Variants in ZNF273 observed in about 807,000 individuals in gnomAD.
ZNF273 encodes the protein zinc finger protein 9.
ZNF273 carries 11 observed loss-of-function variants against 14.9 expected under a neutral mutation model. That is an observed-to-expected ratio of 0.74 (90% CI 0.46 to 1.22). ZNF273 has a LOEUF of 1.22. Among genes scored for constraint, ZNF273 ranks in the 50% most tolerant of loss-of-function variants. The pLI is 0.00. For synonymous variants in ZNF273, 199 were observed against 223.9 expected, an observed-to-expected ratio of 0.89 and a Z score of 0.99; for missense variants, 577 against 660.6, an observed-to-expected ratio of 0.87 and a Z score of 1.39.
downstream of ZNF273, chr7:64,889,004 G>A (rs1791788522): frequency 3.0e-6 from 3 of 985,796 alleles, no homozygotes; most frequent in South Asian, 1.4e-4. The surrounding 1 kb of genome is among the most constrained non-coding windows in gnomAD (Gnocchi z 4.2). Context: ...AAGGGGCCAA[G>A]CAGAACCGCC....
chr7:64,905,776 C>G (rs1241092943), intron 1 of ZNF273, among the ~76,000 whole-genome samples: 1 of 152,084 alleles, frequency 6.6e-6, no homozygotes, highest in Non-Finnish European at 1.5e-5. Flanking sequence ...TGACTTGACA[C>G]GAGTCAAACA....
At chr7:64,889,204 A>G, downstream of ZNF273, 1 of 985,818 alleles carries the variant, frequency 1.0e-6, no homozygotes, top group Non-Finnish European at 1.2e-6. The surrounding 1 kb of genome is among the most constrained non-coding windows in gnomAD (Gnocchi z 4.2). Context: ...TCATGGGGTC[A>G]CCGGCTTGTG....
chr7:64,903,344 T>G lies in ZNF273; in HGVS notation c.27T>G (p.Pro9=). 6.2e-7 allele frequency: 1 copy of G among 1,613,258 alleles called. No individual in the cohort carries two copies. Among genetic ancestry groups the G allele is most frequent in the South Asian group, 1.1e-5 (1 of 91,070 alleles). The change falls in exon 1 of 4, where the codon CCT becomes CCG. Residue 9 remains proline (P), a synonymous_variant. Coordinates refer to ENST00000476120, the MANE Select transcript of ZNF273 (RefSeq NM_021148.3). MSSAPRGP[P]SVAPLPAGIG... ...TGTCCTCTGCTCCTAGAGGTCCACCTTCTGTGGCCCCGTTACCTGCAGGTA... is the reference window on the plus strand; with the variant it reads ...TGTCCTCTGCTCCTAGAGGTCCACCGTCTGTGGCCCCGTTACCTGCAGGTA...
At chr7:64,887,886 T>G (rs1225347307) in intron 1 of ZNF273, among the ~76,000 whole-genome samples, 2 of 147,052 alleles carry the variant, frequency 1.4e-5, no homozygotes, top group African/African-American at 5.1e-5. Flanking sequence ...TTCAGAGGGG[T>G]GGTCGGGTGG....
chr7:64,907,762 C>G (rs1192426998), intron 1 of ZNF273, among the ~76,000 whole-genome samples: 1 of 152,190 alleles, frequency 6.6e-6, no homozygotes, highest in Non-Finnish European at 1.5e-5. Context: ...CTCTGGGTGT[C>G]TGGGAATGGG....
intron 3 of ZNF273, among the ~76,000 whole-genome samples, chr7:64,921,950 T>C (rs2129093200): frequency 6.6e-6 from 1 of 152,094 alleles, no homozygotes; most frequent in South Asian, 2.1e-4. Flanking sequence ...AAGCATACTG[T>C]GTCAGATATG....
downstream of ZNF273, among the ~76,000 whole-genome samples, chr7:64,894,281 G>A (rs1177764417): frequency 2.6e-5 from 4 of 151,816 alleles, no homozygotes; most frequent in South Asian, 2.1e-4. Flanking sequence ...CCGGGATTAC[G>A]GGCATGAGCC....
rs6964264 is a variant in ZNF273, at chr7:64,878,354, G to T, written n.216-27G>T. Reference sequence around the variant, plus strand: ...CCCATTGTCCTAAGGACAACCCTGGGCCAAAGCATAGGAGTCCTGTCCGCA... The same window carrying T: ...CCCATTGTCCTAAGGACAACCCTGGTCCAAAGCATAGGAGTCCTGTCCGCA... On this transcript the variant is annotated intron_variant and non_coding_transcript_variant, in intron 1 of 2. Coordinates refer to the ZNF273 transcript ENST00000465954. The T allele has an allele frequency of 1.6e-3, 240 of 152,230 alleles. 2 individuals carry two copies. Among genetic ancestry groups the T allele is most frequent in the Non-Finnish European group, 2.4e-3 (160 of 68,070 alleles). The allele number at this position is 152,230 out of a possible 1,614,324, so 9.4% of individuals were successfully genotyped here.
chr7:64,934,114 C>CT (rs1365204192), downstream of ZNF273, among the ~76,000 whole-genome samples: 3 of 152,112 alleles, frequency 2.0e-5, no homozygotes, highest in Admixed American at 1.3e-4. Context: ...AGGCTGGTCT[C>CT]TAACTCCTGA....
At position 64,930,643 on chromosome 7, in the gene ZNF273, TA is replaced by T. The variant is rs1794971350; in HGVS notation, c.*1607del. Reference sequence around the variant, plus strand: ...TATATTATTTGGTTACATAGTGGACTAACATTTTTAGTAATCTCTTTTGCCA... The same window carrying T: ...TATATTATTTGGTTACATAGTGGACTACATTTTTAGTAATCTCTTTTGCCA... On this transcript the variant is annotated 3_prime_UTR_variant, in exon 4 of 4. Transcript: ENST00000476120. 1 of 152,204 alleles carries T rather than the reference TA, an allele frequency of 6.6e-6. No individual in the cohort carries two copies. The highest frequency in any genetic ancestry group is 1.5e-5 in the Non-Finnish European group (1 of 68,010). The allele number at this position is 152,204 out of a possible 1,614,324, so 9.4% of individuals were successfully genotyped here. A position where few individuals can be genotyped will look rare whatever the true frequency, so the allele number is the denominator to read the frequency against.
chr7:64,880,314 C>G (rs1035934485), downstream of ZNF273: 2 of 152,298 alleles, frequency 1.3e-5, no homozygotes, highest in East Asian at 3.9e-4. Context: ...CATGCCTAGA[C>G]GGAGTGGGGG....
chr7:64,879,240 G>A (rs1304394721), intron 2 of ZNF273, among the ~76,000 whole-genome samples: 1 of 152,196 alleles, frequency 6.6e-6, no homozygotes, highest in Non-Finnish European at 1.5e-5. Context: ...TCAGCTGGCT[G>A]CAGGCCAGAT....
Position 64,917,649 on chromosome 7 carries a change from A to G in ZNF273, c.171A>G (p.Ser57=). The G allele has an allele frequency of 6.2e-7, 1 of 1,600,504 alleles. No homozygotes were observed. Among genetic ancestry groups the G allele is most frequent in the South Asian group, 1.1e-5 (1 of 90,948 alleles). Residue 57 remains serine, a synonymous_variant, in exon 2 of 4, where the codon TCA becomes TCG. Coordinates refer to ENST00000476120, the MANE Select transcript of ZNF273 (RefSeq NM_021148.3). Reference sequence around the variant, plus strand: ...AGGAGTGGCAATGCCTGGACACTTCACAGCAGAATTTGTATAGGAATGTGA... The same window carrying G: ...AGGAGTGGCAATGCCTGGACACTTCGCAGCAGAATTTGTATAGGAATGTGA... ...SLEEWQCLDT[S]QQNLYRNVML... is the part of the protein sequence containing the mutation.
chr7:64,913,924 C>G (rs1161177106), intron 1 of ZNF273, among the ~76,000 whole-genome samples: 1 of 151,748 alleles, frequency 6.6e-6, no homozygotes, highest in Non-Finnish European at 1.5e-5. Context: ...TACTTGTGCC[C>G]TTTCCACAAG....
chr7:64,908,125 G>A (rs897761177), intron 1 of ZNF273, among the ~76,000 whole-genome samples: 1 of 152,202 alleles, frequency 6.6e-6, no homozygotes, highest in African/African-American at 2.4e-5. Context: ...CTACCAACCT[G>A]TTCATAATCT....
the ZNF273 span, among the ~76,000 whole-genome samples, chr7:64,936,433 T>A: frequency 6.6e-6 from 1 of 152,106 alleles, no homozygotes; most frequent in Non-Finnish European, 1.5e-5. Context: ...TTCCCCTGAG[T>A]GACTCAAGGT....
At chr7:64,912,527 A>G (rs1793594409) in intron 1 of ZNF273, among the ~76,000 whole-genome samples, 1 of 152,052 alleles carries the variant, frequency 6.6e-6, no homozygotes, top group Non-Finnish European at 1.5e-5. Context: ...TTTAAAGTGC[A>G]CACAGTGTGC....
downstream of ZNF273, chr7:64,882,413 G>A (rs1299579410): frequency 2.0e-5 from 3 of 152,170 alleles, no homozygotes; most frequent in African/African-American, 4.8e-5. Flanking sequence ...TGACCAGGCC[G>A]TCTCTGCCTG....
At chr7:64,917,845 A>G in intron 2 of ZNF273, 138 bp downstream of exon 2, 1 of 988,092 alleles carries the variant, frequency 1.0e-6, no homozygotes, top group Non-Finnish European at 1.4e-6. Context: ...TCATTTAGAA[A>G]TGAATTTCTT....
Sources: allele counts gnomAD v4.1 joint callset (sites outside exome capture counted in the v4.1 genomes callset), GRCh38; gene constraint gnomAD v4.1.1; non-coding constraint Gnocchi (gnomAD v3.1); transcripts MANE v1.5; gene names NCBI Gene and HGNC (gene_info 2026-07-23, HGNC 2026-07-21).